SFMBT2: variants seen among roughly 807,000 people sequenced by gnomAD.
SFMBT2 encodes the protein Scm like with four mbt domains 2.
In SFMBT2, 38 loss-of-function variants were observed where a neutral mutation model predicts 110.1. The ratio of observed to expected loss-of-function variants is 0.35; its 90% CI spans 0.27 to 0.45. SFMBT2 has a LOEUF of 0.45. Ranked by LOEUF, SFMBT2 falls within the 20% of genes least tolerant of loss-of-function variation. The probability of loss-of-function intolerance (pLI) is 1.00; values close to 1 mark genes in which losing one functional copy is unlikely to be tolerated. For synonymous variants in SFMBT2, 425 were observed against 425.4 expected, an observed-to-expected ratio of 1.00 and a Z score of 0.01; for missense variants, 1,011 against 1,094.9, an observed-to-expected ratio of 0.92 and a Z score of 1.08.
At chr10:7,230,468 T>C (rs1428685424) in intron 9 of SFMBT2, among the ~76,000 whole-genome samples, 1 of 152,140 alleles carries the variant, frequency 6.6e-6, no homozygotes. Context: ...GTAGAAGAAT[T>C]AGCCTCAAGA....
chr10:7,216,133 C>T (rs915148060), intron 11 of SFMBT2, among the ~76,000 whole-genome samples: 4 of 152,220 alleles, frequency 2.6e-5, no homozygotes, highest in Non-Finnish European at 5.9e-5. Flanking sequence ...CAGGAGCCTG[C>T]GTTCACACCT....
intron 7 of SFMBT2, chr10:7,249,338 C>T (rs562605129): frequency 1.3e-5 from 3 of 228,768 alleles, no homozygotes; most frequent in African/African-American, 7.0e-5. Context: ...TTTCCCGCCT[C>T]CTAAGATAAC....
chr10:7,240,342 C>A (rs932564058), intron 9 of SFMBT2, among the ~76,000 whole-genome samples: 1 of 152,162 alleles, frequency 6.6e-6, no homozygotes, highest in African/African-American at 2.4e-5. Flanking sequence ...TTCATAGAGA[C>A]GTCCCTCATT....
chr10:7,283,163 T>C (rs1841995464), intron 6 of SFMBT2, among the ~76,000 whole-genome samples: 1 of 152,242 alleles, frequency 6.6e-6, no homozygotes, highest in Admixed American at 6.5e-5. Context: ...ATGTACCAGA[T>C]GTAAAATCAC....
At chr10:7,357,410 T>C (rs1844555965) in intron 4 of SFMBT2, among the ~76,000 whole-genome samples, 2 of 152,122 alleles carry the variant, frequency 1.3e-5, no homozygotes, top group African/African-American at 2.4e-5. Flanking sequence ...AAGGCCCAAA[T>C]AGATTGAAAG....
intron 10 of SFMBT2, among the ~76,000 whole-genome samples, chr10:7,226,488 C>T (rs1300891774): frequency 6.6e-6 from 1 of 152,228 alleles, no homozygotes; most frequent in East Asian, 1.9e-4. Flanking sequence ...CCGCAAGCTC[C>T]AGGAAGACAT....
intron 16 of SFMBT2, among the ~76,000 whole-genome samples, chr10:7,184,605 A>G (rs1235376741): frequency 1.3e-5 from 2 of 152,180 alleles, no homozygotes; most frequent in African/African-American, 4.8e-5. Flanking sequence ...AAACAAAAAC[A>G]GAGTGAAAAA....
At chr10:7,269,827 C>CT (rs5782963) in intron 7 of SFMBT2, among the ~76,000 whole-genome samples, 10,594 of 136,552 alleles carry the variant, frequency 0.078, 441 homozygotes, top group Admixed American at 0.096. Flanking sequence ...GAAGATTTCT[C>CT]TTTTTTTTTT....
chr10:7,261,092 C>T (rs1464811867), intron 7 of SFMBT2, among the ~76,000 whole-genome samples: 2 of 152,104 alleles, frequency 1.3e-5, no homozygotes, highest in South Asian at 2.1e-4. Context: ...ACCAGTAAGA[C>T]TCCTGTGCCT....
intron 2 of SFMBT2, among the ~76,000 whole-genome samples, chr10:7,377,112 T>C (rs1248783838): frequency 7.5e-6 from 1 of 133,122 alleles, no homozygotes; most frequent in Non-Finnish European, 1.5e-5. Context: ...GAGGTTGCAG[T>C]GAGCCGAGAT....
At chr10:7,310,880 T>C (rs1842833343) in intron 4 of SFMBT2, among the ~76,000 whole-genome samples, 1 of 151,928 alleles carries the variant, frequency 6.6e-6, no homozygotes. Flanking sequence ...ACCCCATCTC[T>C]ACTAAAAATA....
In SFMBT2 at chr10:7,172,147, C is replaced by T. The variant is rs1332089704; in HGVS notation, c.2163G>A (p.Glu721=). The change falls in exon 19 of 21, where the codon GAG becomes GAA. Residue 721 remains glutamate (E), a synonymous_variant. Transcript: ENST00000397167. The surrounding 1 kb of genome is among the most constrained non-coding windows in gnomAD (Gnocchi z 4.6). ...FTAGSGEESE[E]EDADAMDDDT... Reference sequence around the variant, plus strand: ...CATCGTCCATGGCGTCAGCGTCCTCCTCTTCACTTTCCTGGGAAGGAGGAA... The same window carrying T: ...CATCGTCCATGGCGTCAGCGTCCTCTTCTTCACTTTCCTGGGAAGGAGGAA... The T allele has an allele frequency of 9.0e-6, 14 of 1,552,832 alleles. No individual in the cohort carries two copies. The Middle Eastern group carries it at 5.2e-4, about 57-fold the overall frequency.
chr10:7,332,548 G>C (rs145272434), intron 4 of SFMBT2, among the ~76,000 whole-genome samples: 2,462 of 152,230 alleles, frequency 0.016, 32 homozygotes, highest in Non-Finnish European at 0.022. Flanking sequence ...ACAAATGTTT[G>C]AGAAATTTTT....
intron 4 of SFMBT2, among the ~76,000 whole-genome samples, chr10:7,321,201 C>CT (rs542174351): frequency 0.32 from 41,444 of 130,410 alleles, 7,189 homozygotes; most frequent in African/African-American, 0.43. Context: ...TATGAGCATC[C>CT]TTTTTTTTTT....
intron 4 of SFMBT2, among the ~76,000 whole-genome samples, chr10:7,342,669 T>C (rs1335954487): frequency 6.6e-6 from 1 of 152,042 alleles, no homozygotes; most frequent in African/African-American, 2.4e-5. Context: ...AGTGCTGGGA[T>C]TACAGGCGTG....
intron 17 of SFMBT2, 92 bp downstream of exon 17, chr10:7,175,898 A>G: frequency 8.0e-6 from 10 of 1,244,058 alleles, no homozygotes; most frequent in Non-Finnish European, 1.0e-5. Context: ...AGGTTCAAAA[A>G]GAAAAAAGCA....
At chr10:7,239,364 CA>C (rs1237551418) in intron 9 of SFMBT2, among the ~76,000 whole-genome samples, 1 of 152,186 alleles carries the variant, frequency 6.6e-6, no homozygotes, top group Non-Finnish European at 1.5e-5. Flanking sequence ...AATTTAGACA[CA>C]ATAACCTTTT....
intron 7 of SFMBT2, among the ~76,000 whole-genome samples, chr10:7,271,155 G>A (rs919638044): frequency 3.9e-5 from 6 of 151,940 alleles, no homozygotes; most frequent in Admixed American, 2.6e-4. Context: ...GGGCCTGGTG[G>A]TGCATGCCTG....
intron 16 of SFMBT2, among the ~76,000 whole-genome samples, chr10:7,183,932 A>C (rs920790900): frequency 7.2e-5 from 11 of 152,144 alleles, no homozygotes; most frequent in Admixed American, 6.5e-5. Flanking sequence ...AGGGTTACAC[A>C]TGTAAGTGGG....
Sources: gnomAD v4.1 joint callset for allele counts (sites outside exome capture counted in the v4.1 genomes callset) on GRCh38, gnomAD v4.1.1 for gene constraint, Gnocchi (gnomAD v3.1) non-coding constraint, MANE v1.5 for transcripts, NCBI Gene and HGNC (gene_info 2026-07-23, HGNC 2026-07-21) for gene names.